The following TRPA1 variants were observed in gnomAD, a reference collection of about 807,000 sequenced individuals.
The protein encoded by TRPA1 is transient receptor potential cation channel subfamily A member 1.
In TRPA1, 129 loss-of-function variants were observed where a neutral mutation model predicts 131.3. The observed-to-expected ratio is 0.98, with a 90% CI of 0.85 to 1.14. The LOEUF is 1.14. TRPA1 is among the 50% of genes most tolerant of loss of function. The pLI is 0.00. For synonymous variants in TRPA1, 441 were observed against 451.7 expected, an observed-to-expected ratio of 0.98 and a Z score of 0.30; for missense variants, 1,304 against 1,354.2, an observed-to-expected ratio of 0.96 and a Z score of 0.58.
At position 72,052,729 on chromosome 8, in the gene TRPA1, C is replaced by T. The variant is rs759652954; in HGVS notation, c.1681G>A (p.Ala561Thr). The T allele has an allele frequency of 1.4e-5, 23 of 1,613,376 alleles. No individual in the cohort carries two copies. The highest frequency in any genetic ancestry group is 2.2e-5 in the East Asian group (1 of 44,864). ...ALHFAAREGH[A>T]KAVALLLSHN... ...CTCAGAAGAAGCGCAACGGCTTTGG[C>T]GTGGCCTTCCCTTGCAGCAAAGTGA... Residue 561 changes from alanine to threonine, a missense_variant, in exon 14 of 27, where the codon GCC (alanine) becomes ACC (threonine). Transcript: ENST00000262209.
At position 72,072,733 on chromosome 8, in the gene TRPA1, G is replaced by A. The variant is rs112195358; in HGVS notation, c.112-866C>T. On this transcript the variant is annotated intron_variant, in intron 1 of 26. Transcript: ENST00000262209. ...TACTTGAATTTGATATGCTCTTTGC[G>A]TAATAAAGGGATTATGCTGCCCACT... 3.5e-3 allele frequency among the ~76,000 whole-genome samples: 538 copies of A among 152,226 alleles called. 6 individuals are homozygous for A. Among genetic ancestry groups the A allele is most frequent in the African/African-American group, 0.012 (499 of 41,542 alleles).
intron 3 of TRPA1, among the ~76,000 whole-genome samples, chr8:72,066,717 A>G (rs1033589823): frequency 7.8e-4 from 62 of 79,726 alleles, no homozygotes; most frequent in Admixed American, 2.8e-4. Flanking sequence ...CTAGTTTCAC[A>G]TGGAAAATAG....
the TRPA1 span, among the ~76,000 whole-genome samples, chr8:72,084,942 C>A: frequency 2.0e-5 from 3 of 152,014 alleles, no homozygotes; most frequent in Non-Finnish European, 2.9e-5. Context: ...GACCTCAGCA[C>A]CCGGCCAGTG....
At chr8:72,059,215 G>A (rs904013472) in intron 8 of TRPA1, among the ~76,000 whole-genome samples, 175 bp downstream of exon 8, 16 of 152,154 alleles carry the variant, frequency 1.1e-4, no homozygotes, top group African/African-American at 3.1e-4. Flanking sequence ...TGGCTGTTAC[G>A]TATTCATATG....
chr8:72,025,864 T>C (rs767566197), intron 25 of TRPA1, 96 bp downstream of exon 25: 9 of 1,040,104 alleles, frequency 8.7e-6, no homozygotes, highest in African/African-American at 1.6e-5. Flanking sequence ...CAGAGAAGAC[T>C]CAAAGTCTAT....
At chr8:72,051,435 G>C (rs965172452) in intron 14 of TRPA1, among the ~76,000 whole-genome samples, 8 of 152,038 alleles carry the variant, frequency 5.3e-5, no homozygotes, top group African/African-American at 1.9e-4. Flanking sequence ...CCATACCAAG[G>C]AGGAACTAAA....
chr8:72,078,975 C>T (rs1806239622), upstream of TRPA1, among the ~76,000 whole-genome samples: 1 of 151,936 alleles, frequency 6.6e-6, no homozygotes, highest in South Asian at 2.1e-4. Context: ...CATTGAGTCT[C>T]TAATTAGTAT....
chr8:72,052,494 TG>T, intron 14 of TRPA1, 104 bp downstream of exon 14: 1 of 1,451,184 alleles, frequency 6.9e-7, no homozygotes, highest in Admixed American at 1.7e-5. Flanking sequence ...TTTTAAATTT[TG>T]ATTAATGGCT....
chr8:72,048,841 T>C (rs1029075985), intron 15 of TRPA1, among the ~76,000 whole-genome samples: 1 of 152,234 alleles, frequency 6.6e-6, no homozygotes, highest in African/African-American at 2.4e-5. Context: ...ATAATTCTTA[T>C]TAACATTTTG....
chr8:72,077,289 G>A (rs571658230), upstream of TRPA1, among the ~76,000 whole-genome samples: 559 of 48,854 alleles, frequency 0.011, 4 homozygotes, highest in African/African-American at 0.04. Flanking sequence ...GGTGACAGGG[G>A]TGGGGGGGGG....
At chr8:72,049,263 C>A (rs4737339) in intron 15 of TRPA1, among the ~76,000 whole-genome samples, 1 of 152,092 alleles carries the variant, frequency 6.6e-6, no homozygotes, top group East Asian at 1.9e-4. Context: ...GCACTTTATA[C>A]ATTTTACCCC....
At chr8:72,042,300 T>C (rs1208692423) in intron 17 of TRPA1, among the ~76,000 whole-genome samples, 2 of 151,928 alleles carry the variant, frequency 1.3e-5, no homozygotes, top group East Asian at 1.9e-4. Flanking sequence ...TTTATGACTA[T>C]TGAATGAGAA....
At chr8:72,080,939 T>C in the TRPA1 span, among the ~76,000 whole-genome samples, 1 of 151,808 alleles carries the variant, frequency 6.6e-6, no homozygotes, top group African/African-American at 2.4e-5. Flanking sequence ...TGTAATCTCT[T>C]TCCTAGCTAA....
chr8:72,051,014 G>C (rs560838797), intron 14 of TRPA1, 143 bp from the exon 15 acceptor site: 1 of 647,676 alleles, frequency 1.5e-6, no homozygotes, highest in Admixed American at 2.5e-5. Context: ...GGTTCCAATG[G>C]AACCAACATG....
At chr8:72,062,754 T>C in intron 6 of TRPA1, 45 bp downstream of exon 6, 5 of 1,590,048 alleles carry the variant, frequency 3.1e-6, no homozygotes, top group Non-Finnish European at 4.3e-6. Context: ...TATATGTTTA[T>C]GACAACTCTA....
At chr8:72,036,005 C>CAAAAAAAAAAAAA (rs58197251) in intron 21 of TRPA1, among the ~76,000 whole-genome samples, 4 of 44,956 alleles carry the variant, frequency 8.9e-5, no homozygotes, top group South Asian at 1.5e-3. Context: ...TCCCCCTCCA[C>CAAAAAAAAAAAAA]AAAAAAAAAA....
chr8:72,081,544 A>G, the TRPA1 span, among the ~76,000 whole-genome samples: 1 of 151,786 alleles, frequency 6.6e-6, no homozygotes, highest in Admixed American at 6.6e-5. Context: ...CAAGTTTTCT[A>G]TATTCTTAGT....
At chr8:72,078,565 A>G (rs1471599509), upstream of TRPA1, among the ~76,000 whole-genome samples, 1 of 152,102 alleles carries the variant, frequency 6.6e-6, no homozygotes. Flanking sequence ...AGATTAACCC[A>G]CATTGTACTA....
At chr8:72,070,269 TA>T (rs1806030686) in intron 2 of TRPA1, among the ~76,000 whole-genome samples, 1 of 152,142 alleles carries the variant, frequency 6.6e-6, no homozygotes, top group Non-Finnish European at 1.5e-5. Context: ...CTCTCCTTTT[TA>T]AAATGTGTCT....
Sources: allele counts gnomAD v4.1 joint callset (sites outside exome capture counted in the v4.1 genomes callset), GRCh38; gene constraint gnomAD v4.1.1; transcripts MANE v1.5; gene names NCBI Gene and HGNC (gene_info 2026-07-23, HGNC 2026-07-21).